TBCEL: variants seen among roughly 807,000 people sequenced by gnomAD.
TBCEL encodes the protein tubulin folding cofactor E like, also known as tubulin-specific chaperone cofactor E-like protein.
TBCEL carries 15 observed loss-of-function variants against 44.2 expected under a neutral mutation model. That is an observed-to-expected ratio of 0.34 (90% CI 0.23 to 0.52). TBCEL has a LOEUF of 0.52. Among genes scored for constraint, TBCEL ranks in the 20% least tolerant of loss-of-function variants. The pLI, the probability that TBCEL is intolerant of heterozygous loss-of-function variation, is 0.95. For missense variants in TBCEL, 319 were observed against 506.3 expected (o/e 0.63, Z 3.55); for synonymous variants, 171 against 185.4 (o/e 0.92, Z 0.63).
At chr11:121,037,502 G>A (rs1463602760) in intron 2 of TBCEL, among the ~76,000 whole-genome samples, 1 of 152,164 alleles carries the variant, frequency 6.6e-6, no homozygotes, top group East Asian at 1.9e-4. Context: ...CGCTGACTTG[G>A]TCAATGTCCC....
At chr11:121,084,343 T>G (rs774030458) in intron 8 of TBCEL, among the ~76,000 whole-genome samples, 1 of 152,218 alleles carries the variant, frequency 6.6e-6, no homozygotes, top group Admixed American at 6.5e-5. Context: ...TTCTGCAGTT[T>G]ATCATTTGTC....
At chr11:121,032,489 C>T (rs1167313674) in intron 1 of TBCEL, among the ~76,000 whole-genome samples, 1 of 152,172 alleles carries the variant, frequency 6.6e-6, no homozygotes, top group Non-Finnish European at 1.5e-5. Flanking sequence ...ATATTAGTTT[C>T]TGTTTAAAGA....
intron 1 of TBCEL, among the ~76,000 whole-genome samples, chr11:121,025,543 T>C (rs1016339733): frequency 2.6e-5 from 4 of 152,188 alleles, no homozygotes; most frequent in Non-Finnish European, 5.9e-5. Flanking sequence ...ATTTCTATTA[T>C]ATTCCACCCT....
At chr11:121,079,007 T>C (rs1406848834) in intron 8 of TBCEL, among the ~76,000 whole-genome samples, 1 of 152,248 alleles carries the variant, frequency 6.6e-6, no homozygotes, top group Non-Finnish European at 1.5e-5. Context: ...ATTCTGTTTA[T>C]CCATTACTAG....
intron 1 of TBCEL, among the ~76,000 whole-genome samples, chr11:121,028,242 C>T (rs1945081438): frequency 6.6e-6 from 1 of 151,818 alleles, no homozygotes. Context: ...TAAAATAAAG[C>T]AGATCCCTGA....
At chr11:121,043,292 A>G (rs770233128) in intron 2 of TBCEL, among the ~76,000 whole-genome samples, 1 of 152,154 alleles carries the variant, frequency 6.6e-6, no homozygotes, top group Non-Finnish European at 1.5e-5. Context: ...GCCTGATGCT[A>G]TGAATTGATA....
intron 4 of TBCEL, among the ~76,000 whole-genome samples, chr11:121,050,186 A>G (rs1272627508): frequency 6.6e-6 from 1 of 151,782 alleles, no homozygotes; most frequent in Non-Finnish European, 1.5e-5. Flanking sequence ...ACTCTTGGCC[A>G]GGCTACAAAT....
chr11:121,051,187 A>G (rs1945521714), intron 4 of TBCEL, among the ~76,000 whole-genome samples: 1 of 151,776 alleles, frequency 6.6e-6, no homozygotes, highest in Admixed American at 6.6e-5. Flanking sequence ...TTAACAAGTC[A>G]TTATTCTGAA....
At position 121,031,800 on chromosome 11, in the gene TBCEL, G is replaced by GACT. The variant is rs1225080263; in HGVS notation, c.-125-4702_-125-4700dup. The stretch of plus-strand genomic sequence containing the variant: ...CCACCTCAACCTCCCAAGTATCTGG[G>GACT]ACTACAGGCACATGCCACCATGCCC... On this transcript the variant is annotated intron_variant, in intron 1 of 8. Transcript: ENST00000683345. Among the ~76,000 whole-genome samples, 15 of 151,444 alleles carry GACT rather than the reference G, an allele frequency of 9.9e-5. No individual in the cohort carries two copies. The East Asian group carries it at 2.9e-3, about 29-fold the overall frequency.
At chr11:121,044,622 C>T (rs1565494785) in intron 2 of TBCEL, among the ~76,000 whole-genome samples, 3 of 152,078 alleles carry the variant, frequency 2.0e-5, no homozygotes, top group Admixed American at 2.0e-4. Context: ...ATTTTAGCTG[C>T]CTATATTTTG....
intron 8 of TBCEL, among the ~76,000 whole-genome samples, chr11:121,066,712 C>G (rs565242744): frequency 1.3e-5 from 2 of 152,096 alleles, no homozygotes; most frequent in Non-Finnish European, 1.5e-5. Context: ...TATGAAATAA[C>G]GATATATAAA....
At chr11:121,046,666 G>A (rs965141939) in intron 3 of TBCEL, among the ~76,000 whole-genome samples, 1 of 151,918 alleles carries the variant, frequency 6.6e-6, no homozygotes, top group African/African-American at 2.4e-5. Context: ...GTAATTTGAG[G>A]TCTCCATTAA....
intron 1 of TBCEL, among the ~76,000 whole-genome samples, chr11:121,034,744 T>C (rs1945201725): frequency 6.6e-6 from 1 of 152,214 alleles, no homozygotes; most frequent in South Asian, 2.1e-4. Context: ...AATAAGGGTA[T>C]ATTATTTAAA....
chr11:121,082,254 G>T (rs1946139379), intron 8 of TBCEL, among the ~76,000 whole-genome samples: 2 of 152,236 alleles, frequency 1.3e-5, no homozygotes. Flanking sequence ...CAAAATCAAT[G>T]TGTCTGCAGG....
intron 8 of TBCEL, among the ~76,000 whole-genome samples, chr11:121,077,668 T>C (rs1237236909): frequency 1.3e-5 from 2 of 152,048 alleles, no homozygotes; most frequent in Admixed American, 6.5e-5. Flanking sequence ...GGATTTAATT[T>C]GCTCATCTTT....
chr11:121,080,630 A>G (rs1471252526), intron 8 of TBCEL, among the ~76,000 whole-genome samples: 1 of 152,228 alleles, frequency 6.6e-6, no homozygotes, highest in Non-Finnish European at 1.5e-5. Flanking sequence ...TTATAAGGCT[A>G]ATCAAACCTG....
chr11:121,051,007 G>A (rs1945519286), intron 4 of TBCEL, among the ~76,000 whole-genome samples: 1 of 151,674 alleles, frequency 6.6e-6, no homozygotes, highest in Non-Finnish European at 1.5e-5. Context: ...AAATTTATCT[G>A]TGTAATGAAT....
chr11:121,089,248 T>G lies in TBCEL; in HGVS notation c.*2152T>G, dbSNP rs1337908171. 1.3e-5 allele frequency: 2 copies of G among 152,194 alleles called. No individual in the cohort carries two copies. The highest frequency in any genetic ancestry group is 2.9e-5 in the Non-Finnish European group (2 of 68,020). 9.4% of individuals were successfully genotyped at this position (152,194 alleles called of 1,614,324 possible). A position where few individuals can be genotyped will look rare whatever the true frequency, so the allele number is the denominator to read the frequency against. On this transcript the variant is annotated 3_prime_UTR_variant, in exon 9 of 9. Transcript: ENST00000683345. ...TCATAAGTGGAATGGTCACAATTAA[T>G]AAGATATTTTATATATGGCAAAGTT...
At position 121,087,094 on chromosome 11, in the gene TBCEL, T is replaced by C; in HGVS notation, c.1273T>C (p.Ter425GlnextTer6). ...AATTTACGTGGAATCCAAAACAAAA[T>C]AACCTCTACCAGCCTTGTGAAAAAC... ...DKIYVESKTK[*>Q] The change falls in exon 9 of 9, where the codon TAA becomes CAA. Residue 425 changes from the stop codon to glutamine (Q), a stop_lost. Transcript: ENST00000683345. 6.2e-7 allele frequency: 1 copy of C among 1,612,280 alleles called. No individual in the cohort carries two copies. Among genetic ancestry groups the C allele is most frequent in the Non-Finnish European group, 8.5e-7 (1 of 1,179,256 alleles).
Sources: allele counts gnomAD v4.1 joint callset (sites outside exome capture counted in the v4.1 genomes callset), GRCh38; gene constraint gnomAD v4.1.1; transcripts MANE v1.5; gene names NCBI Gene and HGNC (gene_info 2026-07-23, HGNC 2026-07-21).